SYNPO: variants seen among roughly 807,000 people sequenced by gnomAD.
The protein encoded by SYNPO is synaptopodin.
SYNPO carries 19 observed loss-of-function variants against 49.5 expected under a neutral mutation model. That is an observed-to-expected ratio of 0.38 (90% CI 0.27 to 0.56). The LOEUF (loss-of-function observed/expected upper bound fraction) is 0.56, where lower values mean the gene tolerates loss of function less well. Among genes scored for constraint, SYNPO ranks in the 20% least tolerant of loss-of-function variants. The probability of loss-of-function intolerance (pLI) is 0.68; values close to 1 mark genes in which losing one functional copy is unlikely to be tolerated. For missense variants in SYNPO, 1,131 were observed against 1,248.3 expected (o/e 0.91, Z 1.42); for synonymous variants, 536 against 548.0 (o/e 0.98, Z 0.31).
At chr5:150,655,484 C>T (rs879916613) in intron 2 of SYNPO, among the ~76,000 whole-genome samples, 6 of 152,218 alleles carry the variant, frequency 3.9e-5, no homozygotes, top group Non-Finnish European at 7.3e-5. Flanking sequence ...CAGCTCCTCT[C>T]CCTAAGTCAT....
At chr5:150,621,574 A>C (rs373271664) in intron 2 of SYNPO, among the ~76,000 whole-genome samples, 1 of 152,166 alleles carries the variant, frequency 6.6e-6, no homozygotes, top group African/African-American at 2.4e-5. Context: ...GCTTCCTGCC[A>C]TTACCGCCGA....
At chr5:150,634,345 T>A (rs1757638366) in intron 2 of SYNPO, among the ~76,000 whole-genome samples, 2 of 152,184 alleles carry the variant, frequency 1.3e-5, no homozygotes, top group Non-Finnish European at 2.9e-5. Context: ...AAAACCCAGA[T>A]CTCCAGCTCC....
At position 150,602,997 on chromosome 5, in the gene SYNPO, G is replaced by GGGGTGTGT. The variant is rs1554106602; in HGVS notation, c.-266+1810_-266+1811insGGTGTGTG. Among the ~76,000 whole-genome samples the GGGGTGTGT allele has an allele frequency of 2.4e-3, 319 of 131,250 alleles. 1 individual carries two copies. The highest frequency in any genetic ancestry group is 9.2e-3 in the African/African-American group (312 of 33,808). The allele number at this position is 131,250 out of a possible 152,430, so 86.1% of individuals were successfully genotyped here. Reference sequence around the variant, plus strand: ...GTGGAAAGCCCAGTTGCCACCTTAGGGTGTGTGTGTGTGTGTGTGTGTGTG... The same window carrying GGGGTGTGT: ...GTGGAAAGCCCAGTTGCCACCTTAGGGGGTGTGTGTGTGTGTGTGTGTGTGTGTGTGTG... On this transcript the variant is annotated intron_variant, in intron 1 of 2. Coordinates refer to the SYNPO transcript ENST00000394243.
rs1756646405 is a variant in SYNPO, at chr5:150,604,810, AG to A, written c.-266+3623del. On this transcript the variant is annotated intron_variant, in intron 1 of 2. Transcript: ENST00000394243. ...GCTCAAAGGTATCAGGCCTGCTGAT[AG>A]CTCTGCTGGCTTAAGGAGGGGGTGT... 2.6e-5 allele frequency among the ~76,000 whole-genome samples: 4 copies of A among 152,202 alleles called. No homozygotes were observed. The South Asian group carries it at 8.3e-4, about 31-fold the overall frequency.
At chr5:150,609,985 C>T (rs945738738) in intron 1 of SYNPO, among the ~76,000 whole-genome samples, 3 of 152,222 alleles carry the variant, frequency 2.0e-5, no homozygotes, top group African/African-American at 2.4e-5. Flanking sequence ...GTCTCAGCCC[C>T]GTATTTATAG....
intron 2 of SYNPO, chr5:150,651,988 T>TG: frequency 1.0e-6 from 1 of 1,000,512 alleles, no homozygotes; most frequent in Admixed American, 6.1e-5. Context: ...GCCCTAGTTC[T>TG]GGGTTCCCCA....
chr5:150,637,954 G>A (rs1757774369), upstream of SYNPO, among the ~76,000 whole-genome samples: 1 of 152,162 alleles, frequency 6.6e-6, no homozygotes, highest in African/African-American at 2.4e-5. Flanking sequence ...CCGGGCATGA[G>A]CCTGGTAATG....
At chr5:150,623,381 C>G (rs1757241957) in intron 2 of SYNPO, among the ~76,000 whole-genome samples, 1 of 152,086 alleles carries the variant, frequency 6.6e-6, no homozygotes, top group Admixed American at 6.5e-5. Flanking sequence ...ATCCTAGCCT[C>G]TCTCTCTCTT....
At chr5:150,634,850 A>ACACACACACAC (rs1757657264) in intron 2 of SYNPO, among the ~76,000 whole-genome samples, 1 of 112,482 alleles carries the variant, frequency 8.9e-6, no homozygotes, top group South Asian at 2.5e-4. Flanking sequence ...ACACACACAC[A>ACACACACACAC]CACACACACA....
chr5:150,631,441 G>A (rs142461041), intron 2 of SYNPO, among the ~76,000 whole-genome samples: 2 of 152,212 alleles, frequency 1.3e-5, no homozygotes, highest in Non-Finnish European at 2.9e-5. Context: ...CCAGTGCAGA[G>A]GCCCTGAGGG....
intron 1 of SYNPO, among the ~76,000 whole-genome samples, chr5:150,606,462 CACT>C (rs950061182): frequency 1.3e-5 from 2 of 152,232 alleles, no homozygotes; most frequent in African/African-American, 2.4e-5. Flanking sequence ...GAGGGGAAGT[CACT>C]TGCCCAAGGC....
chr5:150,641,721 A>C (rs950735618), intron 1 of SYNPO, among the ~76,000 whole-genome samples: 1 of 152,180 alleles, frequency 6.6e-6, no homozygotes, highest in South Asian at 2.1e-4. Flanking sequence ...CTCATCTTTC[A>C]TGCCTTATCA....
intron 2 of SYNPO, among the ~76,000 whole-genome samples, chr5:150,630,325 C>A (rs1373300961): frequency 6.6e-6 from 1 of 152,184 alleles, no homozygotes; most frequent in Non-Finnish European, 1.5e-5. Context: ...GTTTAGGGAG[C>A]AGCCCAGGGT....
At chr5:150,619,840 C>G (rs764297624) in intron 2 of SYNPO, among the ~76,000 whole-genome samples, 1 of 152,258 alleles carries the variant, frequency 6.6e-6, no homozygotes, top group Non-Finnish European at 1.5e-5. Flanking sequence ...GATCACCCCC[C>G]ATGGCCACCA....
At chr5:150,588,880 T>TA in the SYNPO span, among the ~76,000 whole-genome samples, 1 of 152,192 alleles carries the variant, frequency 6.6e-6, no homozygotes, top group African/African-American at 2.4e-5. Flanking sequence ...GAATTCTTAG[T>TA]AAAAAATAAA....
intron 2 of SYNPO, chr5:150,652,201 C>A: frequency 1.0e-6 from 1 of 1,001,132 alleles, no homozygotes; most frequent in Non-Finnish European, 1.2e-6. Flanking sequence ...AAGCCCCTGC[C>A]CTGGACCCCT....
chr5:150,627,792 G>A (rs186395773), intron 2 of SYNPO, among the ~76,000 whole-genome samples: 16 of 152,188 alleles, frequency 1.1e-4, no homozygotes, highest in Admixed American at 7.9e-4. Context: ...GGAAGCTGGG[G>A]TGGGGGAGGA....
At chr5:150,656,134 G>GT (rs1399735640) in intron 2 of SYNPO, among the ~76,000 whole-genome samples, 3 of 152,234 alleles carry the variant, frequency 2.0e-5, no homozygotes, top group Non-Finnish European at 2.9e-5. Context: ...GAGGGGTGAA[G>GT]TAACTTGCCC....
At chr5:150,602,527 C>T (rs565951074) in intron 1 of SYNPO, among the ~76,000 whole-genome samples, 2 of 152,284 alleles carry the variant, frequency 1.3e-5, no homozygotes, top group South Asian at 4.1e-4. Flanking sequence ...TGAATAAAAG[C>T]CGGGGATCAG....
Sources: allele counts gnomAD v4.1 joint callset (sites outside exome capture counted in the v4.1 genomes callset), GRCh38; gene constraint gnomAD v4.1.1; transcripts MANE v1.5; gene names NCBI Gene and HGNC (gene_info 2026-07-23, HGNC 2026-07-21).